RPH3A: variants seen among roughly 807,000 people sequenced by gnomAD.
The protein encoded by RPH3A is rabphilin-3A.
Under a neutral mutation model 102.2 loss-of-function variants are expected in RPH3A, and 48 were observed. The ratio of observed to expected loss-of-function variants is 0.47; its 90% confidence interval spans 0.37 to 0.60. RPH3A has a LOEUF of 0.60. RPH3A is among the 20% of genes least tolerant of loss of function. RPH3A has a pLI of 0.00. For missense variants in RPH3A, 781 were observed against 910.1 expected (o/e 0.86, Z 1.83); for synonymous variants, 310 against 324.3 (o/e 0.96, Z 0.47).
intron 1 of RPH3A, among the ~76,000 whole-genome samples, chr12:112,750,057 C>G (rs1245002726): frequency 6.6e-6 from 1 of 152,136 alleles, no homozygotes; most frequent in African/African-American, 2.4e-5. Context: ...CTCCTTCACA[C>G]TGAAGGTGAA....
chr12:112,800,675 G>A (rs2041326527), intron 2 of RPH3A, among the ~76,000 whole-genome samples: 1 of 152,132 alleles, frequency 6.6e-6, no homozygotes, highest in African/African-American at 2.4e-5. Context: ...GACATTTGGG[G>A]TGAATTCTGC....
intron 1 of RPH3A, among the ~76,000 whole-genome samples, chr12:112,662,623 C>T (rs1297350239): frequency 6.6e-6 from 1 of 152,186 alleles, no homozygotes; most frequent in Non-Finnish European, 1.5e-5. Context: ...TGGTTTCTCT[C>T]TCAATTGCTG....
At chr12:112,604,746 C>T (rs1302477808) in intron 1 of RPH3A, among the ~76,000 whole-genome samples, 1 of 152,222 alleles carries the variant, frequency 6.6e-6, no homozygotes. Flanking sequence ...GGCTGCCACC[C>T]TCTGAAGGCT....
chr12:112,763,798 G>C (rs2040870480), intron 1 of RPH3A, among the ~76,000 whole-genome samples: 1 of 152,174 alleles, frequency 6.6e-6, no homozygotes, highest in Non-Finnish European at 1.5e-5. Flanking sequence ...TAGTTTTTCA[G>C]GTTAACTTTG....
chr12:112,853,980 C>T (rs757688454), intron 5 of RPH3A, among the ~76,000 whole-genome samples: 7 of 152,340 alleles, frequency 4.6e-5, no homozygotes, highest in South Asian at 2.1e-4. Flanking sequence ...TTTACCCTTA[C>T]GGCGTCCCTC....
Position 112,847,588 on chromosome 12 carries a change from G to A in RPH3A, c.84-108G>A, listed in dbSNP as rs189827408. ...GCAGAGAGGAGCAGATTGAAGCTCT[G>A]AGAGAGATGATCCTTTTGTCCACAG... On this transcript the variant is annotated intron_variant, in intron 4 of 21. Transcript: ENST00000389385. The A allele has an allele frequency of 1.1e-4, 130 of 1,238,068 alleles. 2 individuals are homozygous for A. The Admixed American group carries it at 1.8e-3, about 17-fold the overall frequency. 76.7% of individuals were successfully genotyped at this position (1,238,068 alleles called of 1,614,324 possible).
At chr12:112,644,939 AG>A (rs2039917322) in intron 1 of RPH3A, among the ~76,000 whole-genome samples, 1 of 152,232 alleles carries the variant, frequency 6.6e-6, no homozygotes, top group African/African-American at 2.4e-5. Flanking sequence ...GGAGAGACCA[AG>A]CTTTGATCAC....
At chr12:112,698,687 A>G (rs2040369182) in intron 1 of RPH3A, among the ~76,000 whole-genome samples, 1 of 152,242 alleles carries the variant, frequency 6.6e-6, no homozygotes, top group African/African-American at 2.4e-5. Context: ...TCCCACTGAG[A>G]TGGCTTTTGA....
At chr12:112,661,385 C>T (rs2040047619) in intron 1 of RPH3A, among the ~76,000 whole-genome samples, 2 of 152,178 alleles carry the variant, frequency 1.3e-5, no homozygotes, top group Admixed American at 1.3e-4. Context: ...GTTTTTCCAT[C>T]TGACAAGGGG....
intron 1 of RPH3A, among the ~76,000 whole-genome samples, chr12:112,590,012 T>G (rs1437924440): frequency 6.8e-6 from 1 of 147,536 alleles, no homozygotes; most frequent in African/African-American, 2.5e-5. Context: ...GAACCCAGGA[T>G]GGGGAGGTTG....
chr12:112,861,837 C>T (rs1250668272), intron 5 of RPH3A, among the ~76,000 whole-genome samples: 2 of 151,986 alleles, frequency 1.3e-5, no homozygotes, highest in African/African-American at 4.8e-5. Flanking sequence ...CACAGTGAAA[C>T]CCCGTCTCTA....
intron 18 of RPH3A, 113 bp from the exon 19 acceptor site, chr12:112,890,736 C>T: frequency 8.2e-7 from 1 of 1,226,902 alleles, no homozygotes; most frequent in Non-Finnish European, 1.1e-6. Context: ...TACTGGCTCC[C>T]TAGAGCTGGC....
intron 1 of RPH3A, among the ~76,000 whole-genome samples, chr12:112,756,232 A>C (rs1271078398): frequency 4.7e-5 from 7 of 149,762 alleles, no homozygotes; most frequent in Non-Finnish European, 1.0e-4. Flanking sequence ...TTTTTTTTTG[A>C]GATGGAGTTT....
intron 1 of RPH3A, among the ~76,000 whole-genome samples, chr12:112,580,305 C>G (rs901269753): frequency 5.3e-5 from 8 of 151,814 alleles, no homozygotes; most frequent in African/African-American, 1.2e-4. Flanking sequence ...CCATCTCCCA[C>G]GCCCTTCTTA....
chr12:112,608,060 T>C (rs1253615961), intron 1 of RPH3A, among the ~76,000 whole-genome samples: 1 of 152,068 alleles, frequency 6.6e-6, no homozygotes. Context: ...CCTCTATGCA[T>C]TCATTTATTC....
chr12:112,694,181 C>T (rs145906609), intron 1 of RPH3A, among the ~76,000 whole-genome samples: 142 of 152,300 alleles, frequency 9.3e-4, no homozygotes, highest in Non-Finnish European at 1.7e-3. Context: ...CATCTTCCTT[C>T]GCAACACCGC....
At chr12:112,632,295 A>G in intron 1 of RPH3A, among the ~76,000 whole-genome samples, 1 of 152,310 alleles carries the variant, frequency 6.6e-6, no homozygotes, top group East Asian at 1.9e-4. Context: ...CAGCAGTGTG[A>G]AAACGGACTC....
chr12:112,777,630 A>C (rs1020718351), intron 1 of RPH3A, among the ~76,000 whole-genome samples: 4 of 152,214 alleles, frequency 2.6e-5, no homozygotes, highest in Non-Finnish European at 5.9e-5. Context: ...TGCCATCTGC[A>C]TTTACTCAAG....
intron 2 of RPH3A, among the ~76,000 whole-genome samples, chr12:112,823,989 A>G (rs2041825466): frequency 6.6e-6 from 1 of 152,204 alleles, no homozygotes; most frequent in South Asian, 2.1e-4. Flanking sequence ...GAGCAGAACC[A>G]TGCTTCCCTG....
Sources: allele counts gnomAD v4.1 joint callset (sites outside exome capture counted in the v4.1 genomes callset), GRCh38; gene constraint gnomAD v4.1.1; transcripts MANE v1.5; gene names NCBI Gene and HGNC (gene_info 2026-07-23, HGNC 2026-07-21).